Variants in AP4S1 observed in about 807,000 individuals in gnomAD.
AP4S1 encodes the protein adaptor related protein complex 4 subunit sigma 1, also known as AP-4 complex subunit sigma-1.
In AP4S1, 23 loss-of-function variants were observed where a neutral mutation model predicts 19.8. That is an observed-to-expected ratio of 1.16 (90% CI 0.84 to 1.65). The LOEUF (loss-of-function observed/expected upper bound fraction) is 1.65, where lower values mean the gene tolerates loss of function less well. Ranked by LOEUF, AP4S1 falls within the 40% of genes most tolerant of loss-of-function variation. The probability of loss-of-function intolerance (pLI) is 0.00; values close to 1 mark genes in which losing one functional copy is unlikely to be tolerated. For missense variants in AP4S1, 166 were observed against 172.8 expected (o/e 0.96, Z 0.22); for synonymous variants, 46 against 54.1 (o/e 0.85, Z 0.66).
intron 1 of AP4S1, among the ~76,000 whole-genome samples, chr14:31,038,023 A>G (rs926115355): frequency 2.0e-5 from 3 of 152,210 alleles, no homozygotes; most frequent in Non-Finnish European, 2.9e-5. Flanking sequence ...GTGAAATTCA[A>G]AATAACATAA....
intron 1 of AP4S1, among the ~76,000 whole-genome samples, chr14:31,033,675 A>G (rs1341517243): frequency 6.6e-6 from 1 of 152,234 alleles, no homozygotes; most frequent in Non-Finnish European, 1.5e-5. Flanking sequence ...TCAACCTGCC[A>G]AATAAGATCT....
intron 1 of AP4S1, among the ~76,000 whole-genome samples, chr14:31,043,176 A>T (rs1051806585): frequency 6.6e-6 from 1 of 151,808 alleles, no homozygotes; most frequent in Non-Finnish European, 1.5e-5. Flanking sequence ...AGCCGAGATC[A>T]TGCCACTGCA....
At chr14:31,072,200 C>A (rs2139064952) in intron 3 of AP4S1, among the ~76,000 whole-genome samples, 1 of 152,194 alleles carries the variant, frequency 6.6e-6, no homozygotes, top group East Asian at 1.9e-4. Flanking sequence ...CTCAGCCTCC[C>A]AAAGTGCTGG....
In AP4S1 at chr14:31,053,603, T is replaced by C. The variant is rs968450455; in HGVS notation, c.-71-12523T>C. ...GTGACTTTTTTCTTTTTTTTTTTTT[T>C]TTTTTTTTTTTTTTTGTAGAGACAG... On this transcript the variant is annotated intron_variant, in intron 1 of 5. Coordinates refer to ENST00000542754, the MANE Select transcript of AP4S1 (RefSeq NM_001128126.3). 8.0e-4 allele frequency among the ~76,000 whole-genome samples: 108 copies of C among 134,784 alleles called. 1 individual carries two copies. Among genetic ancestry groups the C allele is most frequent in the East Asian group, 6.6e-3 (31 of 4,720 alleles). The allele number at this position is 134,784 out of a possible 152,430, so 88.4% of individuals were successfully genotyped here.
chr14:31,042,543 G>GA (rs1481107661), intron 1 of AP4S1, among the ~76,000 whole-genome samples: 1 of 152,114 alleles, frequency 6.6e-6, no homozygotes, highest in Non-Finnish European at 1.5e-5. Context: ...CACAGACACA[G>GA]AGATGATTAA....
chr14:31,085,366 A>T, intron 5 of AP4S1: 1 of 991,284 alleles, frequency 1.0e-6, no homozygotes. Context: ...GTGCCTGGGG[A>T]GAGAAGCAAG....
chr14:31,029,498 A>T (rs1479022854), intron 1 of AP4S1, among the ~76,000 whole-genome samples: 1 of 152,216 alleles, frequency 6.6e-6, no homozygotes, highest in Non-Finnish European at 1.5e-5. Flanking sequence ...AATTTAACAC[A>T]TGCTGTGCCC....
rs531464443 is a variant in AP4S1 at position 31,073,355 on chromosome 14, T to C, written c.294+382T>C. ...AATACAAAAAATTAGCTGGGCGTGG[T>C]GGTGGGCGCCTGTAGTCCCAGCTAC... On this transcript the variant is annotated intron_variant, in intron 4 of 5. Transcript: ENST00000542754. 1.2e-3 allele frequency among the ~76,000 whole-genome samples: 165 copies of C among 134,500 alleles called. 2 individuals are homozygous for C. The highest frequency in any genetic ancestry group is 3.7e-3 in the Middle Eastern group (1 of 268). 88.2% of individuals were successfully genotyped at this position (134,500 alleles called of 152,430 possible).
chr14:31,079,953 G>A (rs1269907680), intron 4 of AP4S1, among the ~76,000 whole-genome samples: 1 of 152,112 alleles, frequency 6.6e-6, no homozygotes, highest in Non-Finnish European at 1.5e-5. Context: ...ATGTCTGTCT[G>A]TAGCTGTATA....
At chr14:31,073,034 T>G in intron 4 of AP4S1, 61 bp downstream of exon 4, 3 of 1,354,232 alleles carry the variant, frequency 2.2e-6, no homozygotes, top group Middle Eastern at 1.8e-4. Context: ...AAATTGAGTC[T>G]CTTTGGATCT....
At chr14:31,041,990 G>A (rs907836379) in intron 1 of AP4S1, among the ~76,000 whole-genome samples, 15 of 151,996 alleles carry the variant, frequency 9.9e-5, no homozygotes, top group Admixed American at 3.3e-4. Context: ...CATCACACCC[G>A]GCTAATTTTT....
intron 3 of AP4S1, among the ~76,000 whole-genome samples, chr14:31,070,689 G>GCC: frequency 6.6e-6 from 1 of 152,314 alleles, no homozygotes; most frequent in East Asian, 1.9e-4. Context: ...CAATACCAGT[G>GCC]CCCTGCCCTT....
At chr14:31,052,934 AT>A (rs1209280743) in intron 1 of AP4S1, among the ~76,000 whole-genome samples, 314 of 101,210 alleles carry the variant, frequency 3.1e-3, no homozygotes, top group African/African-American at 7.2e-3. Flanking sequence ...AGTGTGCTAA[AT>A]TTTTTTTTTT....
At chr14:31,074,504 A>C (rs554509360) in intron 4 of AP4S1, among the ~76,000 whole-genome samples, 1 of 152,152 alleles carries the variant, frequency 6.6e-6, no homozygotes, top group African/African-American at 2.4e-5. Flanking sequence ...TATCACGGTG[A>C]AACCTGTTTC....
chr14:31,039,103 T>C (rs1460216444), intron 1 of AP4S1, among the ~76,000 whole-genome samples: 1 of 151,974 alleles, frequency 6.6e-6, no homozygotes, highest in Non-Finnish European at 1.5e-5. Context: ...CCTGGGCTCA[T>C]GTGATCCTCC....
intron 4 of AP4S1, among the ~76,000 whole-genome samples, chr14:31,076,216 T>G (rs778556149): frequency 6.6e-6 from 1 of 152,228 alleles, no homozygotes; most frequent in Non-Finnish European, 1.5e-5. Flanking sequence ...TTTAACATTT[T>G]GATGAACTGC....
In AP4S1 at chr14:31,069,568, C is replaced by G. The variant is rs73252171; in HGVS notation, c.139-275C>G. 9.3e-3 allele frequency among the ~76,000 whole-genome samples: 1,409 copies of G among 152,292 alleles called. 19 individuals are homozygous for G. Among genetic ancestry groups the G allele is most frequent in the African/African-American group, 0.032 (1,333 of 41,564 alleles). On this transcript the variant is annotated intron_variant, in intron 2 of 5. Transcript: ENST00000542754. ...ATGCATTACCTTTGCCTGCTGACTT[C>G]CACGCAGAGCAAAGCAAAGGAACAA...
chr14:31,027,017 T>A (rs1884036630), intron 1 of AP4S1: 6 of 152,276 alleles, frequency 3.9e-5, no homozygotes. Context: ...GTCTTGAGCC[T>A]GGGCTTTGGT....
chr14:31,056,556 G>A (rs755519089), intron 1 of AP4S1, among the ~76,000 whole-genome samples: 1 of 151,388 alleles, frequency 6.6e-6, no homozygotes, highest in South Asian at 2.1e-4. Flanking sequence ...ATGGGGTTTC[G>A]CCATGTTGGC....
Sources: gnomAD v4.1 joint callset for allele counts (sites outside exome capture counted in the v4.1 genomes callset) on GRCh38, gnomAD v4.1.1 for gene constraint, MANE v1.5 for transcripts, NCBI Gene and HGNC (gene_info 2026-07-23, HGNC 2026-07-21) for gene names.